ANK1: variants seen among roughly 807,000 people sequenced by gnomAD.
The protein encoded by ANK1 is ankyrin 1.
Under a neutral mutation model 210.4 loss-of-function variants are expected in ANK1, and 51 were observed. The ratio of observed to expected loss-of-function variants is 0.24; its 90% confidence interval spans 0.19 to 0.31. ANK1 has a LOEUF of 0.31. Ranked by LOEUF, ANK1 falls within the 10% of genes least tolerant of loss-of-function variation. The probability of loss-of-function intolerance (pLI) is 1.00; values close to 1 mark genes in which losing one functional copy is unlikely to be tolerated. For synonymous variants in ANK1, 967 were observed against 1,025.9 expected, an observed-to-expected ratio of 0.94 and a Z score of 1.10; for missense variants, 2,051 against 2,504.4, an observed-to-expected ratio of 0.82 and a Z score of 3.86.
intron 36 of ANK1, 26 bp from the exon 37 acceptor site, chr8:41,684,716 G>A (rs755453167): frequency 4.1e-5 from 66 of 1,610,754 alleles, no homozygotes; most frequent in African/African-American, 5.3e-5. Flanking sequence ...AGAGATGCAC[G>A]TTACTCCAGG....
At chr8:41,852,511 C>T (rs1173973812) in intron 1 of ANK1, among the ~76,000 whole-genome samples, 1 of 152,202 alleles carries the variant, frequency 6.6e-6, no homozygotes, top group Non-Finnish European at 1.5e-5. Flanking sequence ...GAGGAAGAGG[C>T]TGGGAGAGGC....
intron 39 of ANK1, chr8:41,664,969 GGAA>G: frequency 1.2e-6 from 2 of 1,614,248 alleles, no homozygotes; most frequent in East Asian, 4.5e-5. Flanking sequence ...CAGCTGACCA[GGAA>G]GAAGCTCAGC....
intron 37 of ANK1, among the ~76,000 whole-genome samples, chr8:41,673,929 A>C (rs925748459): frequency 6.6e-5 from 10 of 152,192 alleles, no homozygotes; most frequent in Non-Finnish European, 1.0e-4. Flanking sequence ...GGGAATGGGC[A>C]GGGCTGCCCC....
Position 41,688,610 on chromosome 8 carries a change from C to T in ANK1, c.4105-21G>A, listed in dbSNP as rs149167373. The T allele has an allele frequency of 1.1e-4, 176 of 1,612,518 alleles. 2 individuals are homozygous for T. In the East Asian group the frequency reaches 3.4e-3, roughly 31 times the overall value. On this transcript the variant is annotated intron_variant, in intron 33 of 42. Coordinates refer to ENST00000289734, the MANE Select transcript of ANK1 (RefSeq NM_000037.4). ...CTTCCCTGCAGAAGAAGAAAGGGTGCTTTGGGTTTTGGACTCTCCCCACCT... is the reference window on the plus strand; with the variant it reads ...CTTCCCTGCAGAAGAAGAAAGGGTGTTTTGGGTTTTGGACTCTCCCCACCT...
chr8:41,727,838 C>T (rs144871795), intron 4 of ANK1, 70 bp downstream of exon 4: 39 of 1,474,754 alleles, frequency 2.6e-5, no homozygotes, highest in South Asian at 6.8e-5. Context: ...AATGGACCCA[C>T]GAGGGAGCAG....
chr8:41,829,380 A>T (rs1245262050), intron 1 of ANK1: 1 of 152,240 alleles, frequency 6.6e-6, no homozygotes, highest in Non-Finnish European at 1.5e-5. Flanking sequence ...GCACATGCCC[A>T]TCGCAACCTT....
intron 37 of ANK1, among the ~76,000 whole-genome samples, chr8:41,678,135 CTTTT>C (rs904465105): frequency 6.6e-6 from 1 of 151,202 alleles, no homozygotes; most frequent in Non-Finnish European, 1.5e-5. Context: ...GTCCATATTT[CTTTT>C]TTTTTCTTTT....
At position 41,704,201 on chromosome 8, in the gene ANK1, C is replaced by A. The variant is rs1823909551; in HGVS notation, c.2197-62G>T. On this transcript the variant is annotated intron_variant, in intron 19 of 42. Transcript: ENST00000289734. This position sits in a 1 kb window ranked among gnomAD's most constrained non-coding sequence, Gnocchi z 4.1. ...GCCACTAGACAGAGACCTGCCTACA[C>A]ATGATAGTGCCTGCCCATCTTCGAA... is the stretch of plus-strand genomic sequence containing the variant. 2.8e-6 allele frequency: 4 copies of A among 1,452,052 alleles called. No individual in the cohort carries two copies. The highest frequency in any genetic ancestry group is 1.1e-5 in the South Asian group (1 of 87,754). 89.9% of individuals were successfully genotyped at this position (1,452,052 alleles called of 1,614,324 possible).
At chr8:41,711,788 C>T (rs1383219967) in intron 16 of ANK1, among the ~76,000 whole-genome samples, 2 of 152,220 alleles carry the variant, frequency 1.3e-5, no homozygotes. Context: ...TAAGCCGCCT[C>T]AGACACACTT....
At chr8:41,736,638 G>A (rs1355667591) in intron 2 of ANK1, among the ~76,000 whole-genome samples, 4 of 152,190 alleles carry the variant, frequency 2.6e-5, no homozygotes, top group East Asian at 1.9e-4. Context: ...CTTGGGCAGC[G>A]CAGTCGCTCT....
chr8:41,822,132 GAGAAAGAAAGAAAGAA>G (rs71239083), intron 1 of ANK1, among the ~76,000 whole-genome samples: 648 of 41,000 alleles, frequency 0.016, 8 homozygotes, highest in South Asian at 0.025. Flanking sequence ...GAGAAAGAAA[GAGAAAGAAAGAAAGAA>G]AGAAAGAAAG....
chr8:41,818,969 T>C (rs1449826229), intron 1 of ANK1, among the ~76,000 whole-genome samples: 1 of 152,154 alleles, frequency 6.6e-6, no homozygotes, highest in Non-Finnish European at 1.5e-5. Context: ...CCCTAACATA[T>C]GCACAGTAAA....
At chr8:41,793,804 C>T (rs951160154) in intron 1 of ANK1, among the ~76,000 whole-genome samples, 1 of 152,174 alleles carries the variant, frequency 6.6e-6, no homozygotes, top group Admixed American at 6.5e-5. Flanking sequence ...TTTATAGTGG[C>T]TCCCATCTCC....
At chr8:41,767,052 C>T (rs2150727984) in intron 1 of ANK1, among the ~76,000 whole-genome samples, 1 of 152,228 alleles carries the variant, frequency 6.6e-6, no homozygotes, top group Admixed American at 6.5e-5. Context: ...CCCGCCCGTG[C>T]CCCTCTTCCA....
At chr8:41,689,249 G>A (rs1455517494) in intron 33 of ANK1, among the ~76,000 whole-genome samples, 1 of 151,794 alleles carries the variant, frequency 6.6e-6, no homozygotes, top group Non-Finnish European at 1.5e-5. Flanking sequence ...TCAGCCTCTC[G>A]AGTGCCAGGA....
At chr8:41,828,723 C>T (rs145028877) in intron 1 of ANK1, 14 of 152,890 alleles carry the variant, frequency 9.2e-5, no homozygotes, top group African/African-American at 3.4e-4. Flanking sequence ...AGGAACTGCT[C>T]CTCGCGCCCG....
chr8:41,775,491 G>A (rs1016756134), intron 1 of ANK1, among the ~76,000 whole-genome samples: 8 of 152,200 alleles, frequency 5.3e-5, no homozygotes, highest in East Asian at 1.9e-4. Context: ...GGAAGGCCCC[G>A]TCCACACCCT....
intron 1 of ANK1, among the ~76,000 whole-genome samples, chr8:41,867,970 G>A (rs1280757898): frequency 5.9e-5 from 9 of 152,072 alleles, no homozygotes; most frequent in East Asian, 1.9e-4. Context: ...AGCGATTCTC[G>A]TGCCTCAGCC....
At chr8:41,660,474 C>T in intron 42 of ANK1, 2 of 458,154 alleles carry the variant, frequency 4.4e-6, no homozygotes, top group South Asian at 3.2e-5. Context: ...AGCTGGGCAG[C>T]ATGAAGGGCC....
Sources: allele counts gnomAD v4.1 joint callset (sites outside exome capture counted in the v4.1 genomes callset), GRCh38; gene constraint gnomAD v4.1.1; non-coding constraint Gnocchi (gnomAD v3.1); transcripts MANE v1.5; gene names NCBI Gene and HGNC (gene_info 2026-07-23, HGNC 2026-07-21).